EP400: variants seen among roughly 807,000 people sequenced by gnomAD.
EP400 encodes the protein E1A binding protein p400.
Under a neutral mutation model 354.1 loss-of-function variants are expected in EP400, and 105 were observed. That is an observed-to-expected ratio of 0.30 (90% confidence interval 0.25 to 0.35). The LOEUF is 0.35. Among genes scored for constraint, EP400 ranks in the 10% least tolerant of loss-of-function variants. The pLI is 1.00. For synonymous variants in EP400, 1,646 were observed against 1,716.9 expected (o/e 0.96, Z 1.02); for missense variants, 3,280 against 4,121.0 (o/e 0.80, Z 5.59).
intron 12 of EP400, among the ~76,000 whole-genome samples, chr12:131,998,114 C>A (rs997956621): frequency 4.6e-5 from 7 of 152,270 alleles, no homozygotes; most frequent in African/African-American, 1.7e-4. Context: ...ATGGCTCTTT[C>A]TGGGATCTTT....
chr12:131,954,173 A>C (rs1320773975), intron 1 of EP400, among the ~76,000 whole-genome samples: 1 of 152,046 alleles, frequency 6.6e-6, no homozygotes, highest in Non-Finnish European at 1.5e-5. Context: ...TTTCCATTAA[A>C]CATTTTACCA....
At position 132,013,624 on chromosome 12, in the gene EP400, G is replaced by A; in HGVS notation, c.3746G>A (p.Ser1249Asn). The change falls in exon 18 of 53, where the codon AGC becomes AAC. Residue 1249 changes from serine to asparagine, a missense_variant. Physicochemically the swap from Ser to Asn is conservative, Grantham distance 46. Transcript: ENST00000389561. This position sits in a 1 kb window ranked among gnomAD's most constrained non-coding sequence, Gnocchi z 4.5. ...CCTCTGAGGGCCCCCAGTGAAGAGA[G>A]CCAGGATTACTACCATAAAGTGGTC... Reference protein sequence around the residue: ...SSPLRAPSEESQDYYHKVVIR... With the variant: ...SSPLRAPSEENQDYYHKVVIR... 1 of 1,613,614 alleles carries A rather than the reference G, an allele frequency of 6.2e-7. No homozygotes were observed. The highest frequency in any genetic ancestry group is 8.5e-7 in the Non-Finnish European group (1 of 1,179,776).
chr12:132,001,732 C>T (rs560783450), intron 12 of EP400, among the ~76,000 whole-genome samples: 4 of 152,294 alleles, frequency 2.6e-5, no homozygotes, highest in African/African-American at 7.2e-5. Flanking sequence ...TGGCCCTGTC[C>T]GGGCATAACA....
At chr12:131,955,181 T>G (rs1305893284) in intron 1 of EP400, among the ~76,000 whole-genome samples, 4 of 152,246 alleles carry the variant, frequency 2.6e-5, no homozygotes, top group African/African-American at 9.6e-5. Context: ...AACAGTTTCT[T>G]TGCATTATAG....
intron 1 of EP400, among the ~76,000 whole-genome samples, chr12:131,954,770 A>G (rs983370291): frequency 9.4e-5 from 14 of 148,378 alleles, no homozygotes; most frequent in Non-Finnish European, 1.5e-5. Flanking sequence ...GTGTGTGCCT[A>G]TAGTCCCAGC....
intron 12 of EP400, among the ~76,000 whole-genome samples, chr12:131,999,580 A>G (rs1311910399): frequency 2.6e-5 from 4 of 152,046 alleles, no homozygotes; most frequent in Admixed American, 2.6e-4. Context: ...CTGGGATTAT[A>G]GGCACCAGCC....
intron 21 of EP400, 88 bp from the exon 22 acceptor site, chr12:132,019,961 C>A: frequency 7.3e-7 from 1 of 1,368,922 alleles, no homozygotes; most frequent in Non-Finnish European, 9.6e-7. Context: ...TTCCTATGGG[C>A]AGCGGTGAAC....
rs563804231 is a variant in EP400 at position 132,060,575 on chromosome 12, A to G, written c.7885-1535A>G. Among the ~76,000 whole-genome samples, 69 of 152,294 alleles carry G rather than the reference A, an allele frequency of 4.5e-4. No homozygotes were observed. The South Asian group carries it at 7.2e-3, about 16-fold the overall frequency. Reference sequence around the variant, plus strand: ...GCGGGGGTCGTTGTCGTGCCAGGGAAAGAAAGTTGCTGCCAGCCTAGGGCT... The same window carrying G: ...GCGGGGGTCGTTGTCGTGCCAGGGAGAGAAAGTTGCTGCCAGCCTAGGGCT... On this transcript the variant is annotated intron_variant, in intron 45 of 52. Transcript: ENST00000389561.
intron 24 of EP400, among the ~76,000 whole-genome samples, chr12:132,024,853 C>A (rs1030768742): frequency 2.0e-5 from 3 of 151,782 alleles, no homozygotes; most frequent in Middle Eastern, 3.4e-3. Flanking sequence ...CCTTCCCTCA[C>A]CTTCCTTCAC....
At chr12:132,042,823 C>T (rs1235764158) in intron 32 of EP400, among the ~76,000 whole-genome samples, 1 of 152,222 alleles carries the variant, frequency 6.6e-6, no homozygotes, top group Non-Finnish European at 1.5e-5. Flanking sequence ...TCATAGTCAT[C>T]CATGCTACAT....
intron 2 of EP400, among the ~76,000 whole-genome samples, chr12:131,970,820 A>T (rs1010849872): frequency 3.3e-5 from 5 of 152,232 alleles, no homozygotes; most frequent in African/African-American, 1.2e-4. Context: ...ACCGCAATCA[A>T]ATTAATTAAC....
At chr12:131,966,594 C>A (rs1892096198) in intron 2 of EP400, among the ~76,000 whole-genome samples, 1 of 144,618 alleles carries the variant, frequency 6.9e-6, no homozygotes, top group Admixed American at 6.8e-5. Context: ...AAAAGACCAC[C>A]CTGTCTCTAC....
At chr12:131,960,495 T>A in intron 1 of EP400, 90 bp from the exon 2 acceptor site, 1 of 1,232,516 alleles carries the variant, frequency 8.1e-7, no homozygotes, top group Non-Finnish European at 1.1e-6. Context: ...GGTGGGAATG[T>A]ACTTTCAAAG....
chr12:132,031,832 G>C (rs1448195384), intron 29 of EP400, 121 bp from the exon 30 acceptor site: 1 of 990,336 alleles, frequency 1.0e-6, no homozygotes, highest in African/African-American at 1.6e-5. Context: ...TGGGATTACA[G>C]GTGTGAGCCG....
chr12:132,076,728 C>T, intron 52 of EP400, 135 bp downstream of exon 52: 1 of 762,484 alleles, frequency 1.3e-6, no homozygotes, highest in Non-Finnish European at 2.1e-6. Flanking sequence ...AGGGGAAAAA[C>T]TAGATACACT....
intron 22 of EP400, among the ~76,000 whole-genome samples, chr12:132,020,631 T>TA (rs1424460954): frequency 6.6e-6 from 1 of 152,252 alleles, no homozygotes; most frequent in East Asian, 1.9e-4. Context: ...TTAAAAGTAG[T>TA]ATTTCACCAC....
At chr12:132,016,891 C>CT (rs1191062835) in intron 19 of EP400, among the ~76,000 whole-genome samples, 4 of 152,160 alleles carry the variant, frequency 2.6e-5, no homozygotes, top group African/African-American at 9.7e-5. Context: ...CCTCTTCCCA[C>CT]AAGTCTGCCA....
Position 132,029,356 on chromosome 12 carries a change from A to C in EP400, c.5382-345A>C. 22 of 322,962 alleles carry C rather than the reference A, an allele frequency of 6.8e-5. No homozygotes were observed. The highest frequency in any genetic ancestry group is 1.3e-4 in the Admixed American group (3 of 22,318). The allele number at this position is 322,962 out of a possible 1,614,324, so 20.0% of individuals were successfully genotyped here. On this transcript the variant is annotated intron_variant, in intron 27 of 52. Coordinates refer to ENST00000389561, the MANE Select transcript of EP400 (RefSeq NM_015409.5). The surrounding 1 kb of genome is among the most constrained non-coding windows in gnomAD (Gnocchi z 4.7). Reference sequence around the variant, plus strand: ...ATAGCAGTTCTAGGGTCCACGAGACAGTGCACCTTTGTCCCAAAGTTTCCA... The same window carrying C: ...ATAGCAGTTCTAGGGTCCACGAGACCGTGCACCTTTGTCCCAAAGTTTCCA...
In EP400 at chr12:132,044,292, G is replaced by A; in HGVS notation, c.6566G>A (p.Arg2189Gln). The A allele has an allele frequency of 1.9e-6, 3 of 1,613,938 alleles. No homozygotes were observed. The highest frequency in any genetic ancestry group is 1.7e-6 in the Non-Finnish European group (2 of 1,179,984). ...GAGGCGGAGCTCCTGACCTACACGCGAGAGGATGCCTACAGCATGGTACCC... is the reference window on the plus strand; with the variant it reads ...GAGGCGGAGCTCCTGACCTACACGCAAGAGGATGCCTACAGCATGGTACCC... ...QEEAELLTYT[R>Q]EDAYSMEYVY... Residue 2189 changes from arginine to glutamine, a missense_variant, in exon 35 of 53, where the codon CGA becomes CAA. Around this residue, in one of 20 missense-constraint regions of EP400, gnomAD observed 231 missense variants for 257.9 expected, o/e 0.90. Transcript: ENST00000389561.
Sources: gnomAD v4.1 joint callset for allele counts (sites outside exome capture counted in the v4.1 genomes callset) on GRCh38, gnomAD v4.1.1 for gene constraint, gnomAD v4.1.1 regional missense constraint, Gnocchi (gnomAD v3.1) non-coding constraint, MANE v1.5 for transcripts, NCBI Gene and HGNC (gene_info 2026-07-23, HGNC 2026-07-21) for gene names.